Variants in TBC1D31 observed in about 807,000 individuals in gnomAD.
TBC1D31 encodes WD repeat domain 67.
TBC1D31 carries 99 observed loss-of-function variants against 132.9 expected under a neutral mutation model. The observed-to-expected ratio is 0.74, with a 90% CI of 0.63 to 0.88. The LOEUF (loss-of-function observed/expected upper bound fraction) is 0.88, where lower values mean the gene tolerates loss of function less well. Among genes scored for constraint, TBC1D31 ranks in the 40% least tolerant of loss-of-function variants. TBC1D31 has a pLI of 0.00. For synonymous variants in TBC1D31, 385 were observed against 419.4 expected (o/e 0.92, Z 1.00); for missense variants, 1,134 against 1,256.6 (o/e 0.90, Z 1.48).
In TBC1D31 at chr8:123,100,978, G is replaced by A; in HGVS notation, c.1003G>A (p.Val335Ile). 1 of 1,613,630 alleles carries A rather than the reference G, an allele frequency of 6.2e-7. No individual in the cohort carries two copies. Among genetic ancestry groups the A allele is most frequent in the Admixed American group, 1.7e-5 (1 of 60,024 alleles). ...AAATGGAAGTCTAAACATATATTCA[G>A]TTCAGGCTTTAACACAAGAAATAAA... Reference protein sequence around the residue: ...MENGSLNIYSVQALTQEINKP... With the variant: ...MENGSLNIYSIQALTQEINKP... The change falls in exon 7 of 22, where the codon GTT (valine) becomes ATT (isoleucine). Residue 335 changes from valine (V) to isoleucine (I), a missense_variant. By Grantham distance (29) the Val-to-Ile change is conservative. Transcript: ENST00000287380.
chr8:123,141,856 T>C (rs924486120), intron 18 of TBC1D31, among the ~76,000 whole-genome samples: 1 of 129,170 alleles, frequency 7.7e-6, no homozygotes, highest in African/African-American at 3.1e-5. Flanking sequence ...TTTTTTTTTT[T>C]TTTTTTTTTT....
intron 1 of TBC1D31, chr8:123,073,223 G>A: frequency 2.1e-6 from 1 of 471,758 alleles, no homozygotes; most frequent in South Asian, 1.6e-5. Context: ...AGAACTCCAG[G>A]AGGAGATGCG....
chr8:123,109,683 A>C, intron 10 of TBC1D31, 63 bp downstream of exon 10: 1 of 1,404,212 alleles, frequency 7.1e-7, no homozygotes, highest in Non-Finnish European at 9.7e-7. Flanking sequence ...AATGTTATAA[A>C]ATCTCCTGTT....
intron 7 of TBC1D31, among the ~76,000 whole-genome samples, chr8:123,102,081 C>T (rs1586619715): frequency 6.6e-6 from 1 of 151,918 alleles, no homozygotes; most frequent in African/African-American, 2.4e-5. Flanking sequence ...TTATCCACAC[C>T]ATCCATTTCA....
At chr8:123,163,364 C>T in the TBC1D31 span, among the ~76,000 whole-genome samples, 6 of 110,072 alleles carry the variant, frequency 5.5e-5, no homozygotes, top group Admixed American at 1.1e-4. Context: ...TCACTTTAAC[C>T]TTTTTTTTTT....
chr8:123,148,360 T>G (rs1031469586), intron 20 of TBC1D31, among the ~76,000 whole-genome samples: 1 of 152,172 alleles, frequency 6.6e-6, no homozygotes, highest in African/African-American at 2.4e-5. Context: ...TGAACAGAGA[T>G]AATATTTACA....
At chr8:123,110,480 C>T (rs1818339168) in intron 10 of TBC1D31, among the ~76,000 whole-genome samples, 1 of 152,082 alleles carries the variant, frequency 6.6e-6, no homozygotes, top group Admixed American at 6.5e-5. Context: ...AGATTAAGCC[C>T]AGGTTCCAGA....
At chr8:123,153,865 T>C (rs1381527428), downstream of TBC1D31, among the ~76,000 whole-genome samples, 1 of 152,224 alleles carries the variant, frequency 6.6e-6, no homozygotes, top group Non-Finnish European at 1.5e-5. Flanking sequence ...ATAAAGTTTC[T>C]CTCTGGTGTG....
the TBC1D31 span, among the ~76,000 whole-genome samples, chr8:123,157,314 G>T: frequency 6.6e-6 from 1 of 151,926 alleles, no homozygotes; most frequent in Admixed American, 6.6e-5. Context: ...CCTAGTAAGG[G>T]TTTCCGGACG....
chr8:123,153,283 A>C (rs1469908183), downstream of TBC1D31, among the ~76,000 whole-genome samples: 3 of 152,196 alleles, frequency 2.0e-5, no homozygotes, highest in Non-Finnish European at 1.5e-5. Context: ...TGCCACCCAG[A>C]AACAGCTGTC....
chr8:123,137,559 G>A (rs1325708802), intron 17 of TBC1D31, among the ~76,000 whole-genome samples: 1 of 152,234 alleles, frequency 6.6e-6, no homozygotes, highest in African/African-American at 2.4e-5. Flanking sequence ...GCAAAGATGT[G>A]CGACAGTATG....
chr8:123,089,973 T>C (rs1004679967), intron 4 of TBC1D31, among the ~76,000 whole-genome samples: 6 of 152,250 alleles, frequency 3.9e-5, no homozygotes, highest in Admixed American at 3.9e-4. Flanking sequence ...ATCTGCATTC[T>C]GAAACACATC....
chr8:123,072,837 C>A lies in TBC1D31; in HGVS notation c.68C>A (p.Thr23Lys). ...TGGCACCGCAAGCCGTCCCCGGCCA[C>A]GCGGGACGGGTAAAGGCCGTGGCGG... ...KIWHRKPSPA[T>K]RDGIIVNIIH... Residue 23 changes from threonine to lysine, a missense_variant, in exon 1 of 22, where the codon ACG becomes AAG. Physicochemically the swap from Thr to Lys is moderately conservative, Grantham distance 78. Transcript: ENST00000287380. The A allele has an allele frequency of 6.4e-7, 1 of 1,567,696 alleles. No individual in the cohort carries two copies.
chr8:123,072,843 A>G lies in TBC1D31; in HGVS notation c.74A>G (p.Asp25Gly), dbSNP rs868034099. The stretch of plus-strand genomic sequence containing the variant: ...CGCAAGCCGTCCCCGGCCACGCGGG[A>G]CGGGTAAAGGCCGTGGCGGGAGGGC... ...WHRKPSPATR[D>G]GIIVNIIHNT... The change falls in exon 1 of 22, where the codon GAC becomes GGC. Residue 25 changes from aspartate to glycine, a missense_variant. Physicochemically the swap from Asp to Gly is moderately conservative, Grantham distance 94 (BLOSUM62 -1). Transcript: ENST00000287380. The G allele has an allele frequency of 6.4e-7, 1 of 1,565,268 alleles. No individual in the cohort carries two copies. Among genetic ancestry groups the G allele is most frequent in the Non-Finnish European group, 8.7e-7 (1 of 1,155,188 alleles).
chr8:123,092,459 A>G (rs981462335), intron 4 of TBC1D31, among the ~76,000 whole-genome samples: 2 of 152,170 alleles, frequency 1.3e-5, no homozygotes, highest in Non-Finnish European at 1.5e-5. Flanking sequence ...TATATAGTAT[A>G]TGTAGAACTA....
chr8:123,147,379 G>A (rs984047131), intron 20 of TBC1D31, among the ~76,000 whole-genome samples: 18 of 152,090 alleles, frequency 1.2e-4, no homozygotes, highest in Admixed American at 8.5e-4. Context: ...CACCATGTTG[G>A]GCAGGGTGGT....
chr8:123,130,450 G>A (rs369461754), intron 16 of TBC1D31, 117 bp downstream of exon 16: 18 of 901,754 alleles, frequency 2.0e-5, no homozygotes, highest in South Asian at 3.6e-5. Context: ...CTAAATAGCC[G>A]CTTTAATTTT....
chr8:123,083,526 G>C (rs975914245), intron 3 of TBC1D31: 6 of 152,186 alleles, frequency 3.9e-5, no homozygotes, highest in African/African-American at 1.5e-4. Context: ...CCAAAGTGCT[G>C]AGATTACAGG....
chr8:123,105,358 T>C lies in TBC1D31; in HGVS notation c.1103T>C (p.Met368Thr), dbSNP rs200917678. The change falls in exon 8 of 22, where the codon ATG (methionine) becomes ACG (threonine). Residue 368 changes from methionine (M) to threonine (T), a missense_variant. Met to Thr is a moderately conservative substitution (Grantham distance 81). Coordinates refer to ENST00000287380, the MANE Select transcript of TBC1D31 (RefSeq NM_145647.4). The part of the protein sequence containing the change: ...KNKLSSSDLK[M>T]KVTSGRVQQP... ...AAACTGAGTTCCAGTGATCTTAAGA[T>C]GAAAGTAACATCAGGGAGAGTACAG... 30 of 1,611,166 alleles carry C rather than the reference T, an allele frequency of 1.9e-5. No homozygotes were observed. In the Middle Eastern group the frequency reaches 1.8e-3, roughly 98 times the overall value.
Sources: allele counts gnomAD v4.1 joint callset (sites outside exome capture counted in the v4.1 genomes callset), GRCh38; gene constraint gnomAD v4.1.1; transcripts MANE v1.5; gene names NCBI Gene and HGNC (gene_info 2026-07-23, HGNC 2026-07-21).